The following ADRA1B variants were observed in gnomAD, a reference collection of about 807,000 sequenced individuals.
ADRA1B encodes adrenoceptor alpha 1B.
In ADRA1B, 17 loss-of-function variants were observed where a neutral mutation model predicts 17.9. The ratio of observed to expected loss-of-function variants is 0.95; its 90% CI spans 0.65 to 1.42. The LOEUF (loss-of-function observed/expected upper bound fraction) is 1.42, where lower values mean the gene tolerates loss of function less well. Ranked by LOEUF, ADRA1B falls within the 40% of genes most tolerant of loss-of-function variation. The probability of loss-of-function intolerance (pLI) is 0.00; values close to 1 mark genes in which losing one functional copy is unlikely to be tolerated. For synonymous variants in ADRA1B, 366 were observed against 327.6 expected (o/e 1.12, Z -1.27); for missense variants, 681 against 722.1 (o/e 0.94, Z 0.65).
At chr5:159,878,634 G>A (rs1412249272) in intron 1 of ADRA1B, among the ~76,000 whole-genome samples, 1 of 152,142 alleles carries the variant, frequency 6.6e-6, no homozygotes, top group Non-Finnish European at 1.5e-5. Context: ...AGGTGTTAGG[G>A]AGTCTCCATT....
intron 1 of ADRA1B, among the ~76,000 whole-genome samples, chr5:159,957,853 C>G (rs554313958): frequency 4.9e-5 from 7 of 143,728 alleles, no homozygotes; most frequent in Non-Finnish European, 9.0e-5. Flanking sequence ...CACTTGAACC[C>G]GGGAGGTGAA....
chr5:159,914,650 T>G (rs1301306327), upstream of ADRA1B, among the ~76,000 whole-genome samples: 1 of 152,154 alleles, frequency 6.6e-6, no homozygotes, highest in Non-Finnish European at 1.5e-5. Context: ...TGGGAGTAAA[T>G]TAAAACCTTC....
At chr5:159,899,263 A>AAAGGAAGGAAGGAAGGAAGGAAGG (rs199633101) in intron 1 of ADRA1B, among the ~76,000 whole-genome samples, 2 of 106,410 alleles carry the variant, frequency 1.9e-5, no homozygotes, top group Non-Finnish European at 3.9e-5. Flanking sequence ...AGGAAGGAAG[A>AAAGGAAGGAAGGAAGGAAGGAAGG]AAGGAAGGAA....
At chr5:159,880,069 A>G (rs1327686776) in intron 1 of ADRA1B, among the ~76,000 whole-genome samples, 1 of 152,218 alleles carries the variant, frequency 6.6e-6, no homozygotes, top group African/African-American at 2.4e-5. Flanking sequence ...TTCCTCATAC[A>G]TATTTCAGTG....
intron 1 of ADRA1B, chr5:159,950,661 C>T: frequency 1.3e-6 from 1 of 761,086 alleles, no homozygotes; most frequent in South Asian, 1.4e-5. Context: ...AGGAGACAAC[C>T]TGGTGCTCAG....
At position 159,891,859 on chromosome 5, in the gene ADRA1B, T is replaced by G. The variant is rs543657366; in HGVS notation, c.-255-24260T>G. On this transcript the variant is annotated intron_variant, in intron 1 of 2. Transcript: ENST00000641205. ...AGCCGCCTTAGGATTCAACCATGGC[T>G]ACAGAACAGGAGTAACTCGCACCTG... Among the ~76,000 whole-genome samples, 34 of 152,282 alleles carry G rather than the reference T, an allele frequency of 2.2e-4. 1 individual carries two copies. The highest frequency in any genetic ancestry group is 8.2e-4 in the African/African-American group (34 of 41,572).
intron 1 of ADRA1B, among the ~76,000 whole-genome samples, chr5:159,925,120 T>G (rs1036173373): frequency 6.6e-6 from 1 of 152,168 alleles, no homozygotes; most frequent in Non-Finnish European, 1.5e-5. Flanking sequence ...TCAGATGGGT[T>G]CATCATTGGA....
chr5:159,982,894 G>A, the ADRA1B span, among the ~76,000 whole-genome samples: 1 of 152,190 alleles, frequency 6.6e-6, no homozygotes, highest in Non-Finnish European at 1.5e-5. Flanking sequence ...ATATTATCCA[G>A]TCACTCACTA....
At chr5:159,881,856 C>A (rs945457580) in intron 1 of ADRA1B, among the ~76,000 whole-genome samples, 3 of 152,144 alleles carry the variant, frequency 2.0e-5, no homozygotes, top group African/African-American at 4.8e-5. Flanking sequence ...GCTTTCAGAA[C>A]TTCTTGCACC....
At chr5:159,872,370 G>A (rs995144898) in intron 1 of ADRA1B, among the ~76,000 whole-genome samples, 5 of 152,150 alleles carry the variant, frequency 3.3e-5, no homozygotes, top group African/African-American at 1.2e-4. Flanking sequence ...TCAGCTAGAA[G>A]CCAGCTGATG....
rs75115122 is a variant in ADRA1B at position 159,918,653 on chromosome 5, C to G, written c.949+799C>G. Among the ~76,000 whole-genome samples the G allele has an allele frequency of 5.6e-3, 847 of 152,320 alleles. 9 individuals carry two copies. The highest frequency in any genetic ancestry group is 0.02 in the African/African-American group (811 of 41,572). ...TAAGATGGAATTCAGTGCGTCCTCCCCCTCTTATGAAAACATGTTCGTCTT... is the reference window on the plus strand; with the variant it reads ...TAAGATGGAATTCAGTGCGTCCTCCGCCTCTTATGAAAACATGTTCGTCTT... On this transcript the variant is annotated intron_variant, in intron 1 of 1. Coordinates refer to ENST00000306675, the MANE Select transcript of ADRA1B (RefSeq NM_000679.4).
chr5:159,915,616 A>AC, upstream of ADRA1B, among the ~76,000 whole-genome samples: 1 of 151,490 alleles, frequency 6.6e-6, no homozygotes, highest in Non-Finnish European at 1.5e-5. Flanking sequence ...GACCTCCCTC[A>AC]CCCCCACTCC....
intron 1 of ADRA1B, among the ~76,000 whole-genome samples, chr5:159,883,755 C>A (rs1320552398): frequency 6.6e-6 from 1 of 152,200 alleles, no homozygotes. Context: ...GGGTGATGAA[C>A]ATCTTACTCA....
At chr5:159,890,929 C>T (rs1465070067) in intron 1 of ADRA1B, among the ~76,000 whole-genome samples, 1 of 152,228 alleles carries the variant, frequency 6.6e-6, no homozygotes, top group Non-Finnish European at 1.5e-5. Flanking sequence ...TTTCCTGCCA[C>T]AGTCACCTTC....
chr5:159,918,200 G>A (rs1362972917), intron 1 of ADRA1B, among the ~76,000 whole-genome samples: 1 of 152,170 alleles, frequency 6.6e-6, no homozygotes, highest in Admixed American at 6.5e-5. Context: ...GTAATGATGT[G>A]TCGGCTAAGG....
intron 1 of ADRA1B, among the ~76,000 whole-genome samples, chr5:159,935,638 C>A (rs552937517): frequency 4.0e-4 from 61 of 152,296 alleles, no homozygotes; most frequent in Non-Finnish European, 6.9e-4. Context: ...TCTCCACCTC[C>A]TGGGTTCAAG....
chr5:159,940,193 C>G (rs1266007868), intron 1 of ADRA1B, among the ~76,000 whole-genome samples: 1 of 152,230 alleles, frequency 6.6e-6, no homozygotes, highest in Admixed American at 6.5e-5. Flanking sequence ...CTTGACCAAA[C>G]TTTAGTCTAG....
chr5:159,880,201 C>T (rs1753849014), intron 1 of ADRA1B, among the ~76,000 whole-genome samples: 1 of 152,140 alleles, frequency 6.6e-6, no homozygotes, highest in South Asian at 2.1e-4. Flanking sequence ...TCATAGACTA[C>T]AATTGCTTAA....
intron 1 of ADRA1B, among the ~76,000 whole-genome samples, chr5:159,943,068 C>T (rs758407534): frequency 7.9e-5 from 12 of 151,908 alleles, no homozygotes; most frequent in East Asian, 3.9e-4. Context: ...AAAAATTAGC[C>T]GGGCATGGTG....
Sources: gnomAD v4.1 joint callset for allele counts (sites outside exome capture counted in the v4.1 genomes callset) on GRCh38, gnomAD v4.1.1 for gene constraint, MANE v1.5 for transcripts, NCBI Gene and HGNC (gene_info 2026-07-23, HGNC 2026-07-21) for gene names.